CSTF3: variants seen among roughly 807,000 people sequenced by gnomAD.
The protein encoded by CSTF3 is cleavage stimulation factor subunit 3.
CSTF3 carries 29 observed loss-of-function variants against 105.8 expected under a neutral mutation model. That is an observed-to-expected ratio of 0.27 (90% CI 0.20 to 0.37). The LOEUF is 0.37. Among genes scored for constraint, CSTF3 ranks in the 10% least tolerant of loss-of-function variants. The pLI is 1.00. For missense variants in CSTF3, 357 were observed against 879.3 expected, an observed-to-expected ratio of 0.41 and a Z score of 7.51; for synonymous variants, 252 against 281.9, an observed-to-expected ratio of 0.89 and a Z score of 1.06.
intron 3 of CSTF3, among the ~76,000 whole-genome samples, chr11:33,130,398 A>T (rs1391396939): frequency 6.6e-6 from 1 of 152,078 alleles, no homozygotes; most frequent in Admixed American, 6.6e-5. Context: ...GCTTGAATGC[A>T]GGAGGCAGAG....
chr11:33,098,585 A>G, intron 13 of CSTF3, 105 bp downstream of exon 13: 1 of 688,918 alleles, frequency 1.5e-6, no homozygotes, highest in Non-Finnish European at 2.4e-6. Flanking sequence ...CAAGATTAAT[A>G]GAACTATACA....
chr11:33,125,304 T>C (rs2133789369), intron 3 of CSTF3, among the ~76,000 whole-genome samples: 1 of 152,262 alleles, frequency 6.6e-6, no homozygotes, highest in Middle Eastern at 3.4e-3. Flanking sequence ...TCTTTGGAGG[T>C]CTGTTTCTGA....
chr11:33,118,683 A>G (rs414940), intron 3 of CSTF3, among the ~76,000 whole-genome samples: 83,904 of 151,038 alleles, frequency 0.56, 25,895 homozygotes, highest in Non-Finnish European at 0.69. Context: ...AGAAATGTGT[A>G]CAATCATTTG....
At chr11:33,106,134 A>C in intron 5 of CSTF3, 70 bp from the exon 6 acceptor site, 1 of 1,185,432 alleles carries the variant, frequency 8.4e-7, no homozygotes, top group Non-Finnish European at 1.2e-6. Flanking sequence ...ATTAGGCCAG[A>C]CATGGTGGCT....
At chr11:33,105,729 T>C (rs758591573) in intron 7 of CSTF3, 36 bp from the exon 8 acceptor site, 21 of 1,607,840 alleles carry the variant, frequency 1.3e-5, no homozygotes, top group South Asian at 2.2e-5. Context: ...AATTATATTA[T>C]AACCAAATCT....
chr11:33,110,152 G>C (rs138662259), intron 3 of CSTF3, among the ~76,000 whole-genome samples: 1 of 152,308 alleles, frequency 6.6e-6, no homozygotes, highest in East Asian at 1.9e-4. Flanking sequence ...GGATCCTTCA[G>C]ATGTGCTATT....
At chr11:33,139,635 A>G (rs2133797682) in intron 3 of CSTF3, among the ~76,000 whole-genome samples, 1 of 152,102 alleles carries the variant, frequency 6.6e-6, no homozygotes, top group South Asian at 2.1e-4. Flanking sequence ...TAAAACCAGC[A>G]TTCAATTTAA....
At chr11:33,113,110 G>A (rs1343240287) in intron 3 of CSTF3, among the ~76,000 whole-genome samples, 2 of 151,954 alleles carry the variant, frequency 1.3e-5, no homozygotes, top group African/African-American at 4.8e-5. Context: ...GGGAGGCTGA[G>A]GCAGGAGAAT....
At chr11:33,132,904 A>G (rs1463084969) in intron 3 of CSTF3, among the ~76,000 whole-genome samples, 3 of 152,078 alleles carry the variant, frequency 2.0e-5, no homozygotes, top group African/African-American at 7.2e-5. Context: ...GTAAATCAAT[A>G]TAGATATCCA....
intron 3 of CSTF3, among the ~76,000 whole-genome samples, chr11:33,127,589 G>C (rs756971912): frequency 9.2e-5 from 14 of 152,100 alleles, no homozygotes; most frequent in Non-Finnish European, 1.8e-4. Context: ...AATTAGAAAA[G>C]AAAATTTAGA....
chr11:33,155,108 G>C (rs1849845441), intron 1 of CSTF3, among the ~76,000 whole-genome samples: 1 of 151,696 alleles, frequency 6.6e-6, no homozygotes, highest in South Asian at 2.1e-4. Flanking sequence ...TGTAATCCCA[G>C]CGCTTTGGAA....
chr11:33,144,126 TC>T (rs771254531), intron 1 of CSTF3, among the ~76,000 whole-genome samples: 57 of 104,218 alleles, frequency 5.5e-4, no homozygotes, highest in Admixed American at 1.6e-3. Context: ...CCCCCACCAC[TC>T]CCCCTTTTTT....
chr11:33,102,795 T>C (rs1855292468), intron 9 of CSTF3, among the ~76,000 whole-genome samples: 1 of 152,184 alleles, frequency 6.6e-6, no homozygotes, highest in Non-Finnish European at 1.5e-5. Flanking sequence ...CACAGAGTAA[T>C]ACAATATTCA....
intron 8 of CSTF3, among the ~76,000 whole-genome samples, chr11:33,104,505 C>T (rs1855309597): frequency 6.6e-6 from 1 of 152,178 alleles, no homozygotes; most frequent in African/African-American, 2.4e-5. Flanking sequence ...GGCATGGTGG[C>T]TCGTGCCTGT....
rs1001802187 is a variant in CSTF3, at chr11:33,110,250, G to C, written c.226-1832C>G. ...TCTCTACCATGACAGCTGTGTAGCA[G>C]GTGTAGGCAGCAAACAAGCTGCTGC... On this transcript the variant is annotated intron_variant, in intron 3 of 20. Coordinates refer to ENST00000323959, the MANE Select transcript of CSTF3 (RefSeq NM_001326.3). Among the ~76,000 whole-genome samples the C allele has an allele frequency of 3.9e-5, 6 of 152,164 alleles. No individual in the cohort carries two copies. The South Asian group carries it at 6.2e-4, about 16-fold the overall frequency.
intron 17 of CSTF3, 54 bp from the exon 18 acceptor site, chr11:33,087,195 T>A (rs1855114955): frequency 6.3e-7 from 1 of 1,577,822 alleles, no homozygotes; most frequent in African/African-American, 1.4e-5. Flanking sequence ...TACTAGAGAA[T>A]AATCATGCAA....
chr11:33,161,260 A>G, intron 1 of CSTF3, 39 bp downstream of exon 1: 1 of 1,611,524 alleles, frequency 6.2e-7, no homozygotes, highest in Non-Finnish European at 8.5e-7. Flanking sequence ...AGACGTGGAG[A>G]AGAGGTCGCC....
chr11:33,102,238 A>G lies in CSTF3; in HGVS notation c.765T>C (p.Tyr255=), dbSNP rs368119794. 34 of 1,613,940 alleles carry G rather than the reference A, an allele frequency of 2.1e-5. No individual in the cohort carries two copies. The African/African-American group carries it at 3.5e-4, about 16-fold the overall frequency. Residue 255 remains tyrosine, a synonymous_variant, in exon 10 of 21, where the codon TAT becomes TAC. Coordinates refer to ENST00000323959, the MANE Select transcript of CSTF3 (RefSeq NM_001326.3). ...GAGGGTTGCTCTTTTCCCACTGTAT[A>G]TATTTCTTCCACATATCTACTTGTT... ...EAQQVDMWKK[Y]IQWEKSNPLR... is the part of the protein sequence containing the mutation.
intron 1 of CSTF3, among the ~76,000 whole-genome samples, chr11:33,146,565 TTAAA>T (rs1855785441): frequency 6.8e-6 from 1 of 146,108 alleles, no homozygotes; most frequent in Non-Finnish European, 1.5e-5. Flanking sequence ...TTTGTTAAAA[TTAAA>T]TAAATACATA....
Sources: gnomAD v4.1 joint callset for allele counts (sites outside exome capture counted in the v4.1 genomes callset) on GRCh38, gnomAD v4.1.1 for gene constraint, MANE v1.5 for transcripts, NCBI Gene and HGNC (gene_info 2026-07-23, HGNC 2026-07-21) for gene names.